VCL: variants seen among roughly 807,000 people sequenced by gnomAD.
VCL encodes epididymis luminal protein 114.
A neutral mutation model predicts 125.7 loss-of-function variants in VCL; 47 were observed. That is an observed-to-expected ratio of 0.37 (90% CI 0.30 to 0.48). The LOEUF (loss-of-function observed/expected upper bound fraction) is 0.48, where lower values mean the gene tolerates loss of function less well. VCL is among the 20% of genes least tolerant of loss of function. The pLI, the probability that VCL is intolerant of heterozygous loss-of-function variation, is 0.99. For synonymous variants in VCL, 458 were observed against 514.6 expected (o/e 0.89, Z 1.49); for missense variants, 1,069 against 1,455.5 (o/e 0.73, Z 4.32).
rs1437017796 is a variant in VCL at position 74,070,715 on chromosome 10, T to C, written c.285T>C (p.Leu95=). ...AGCTTGTCCAGGCAGCTCAGATGCT[T>C]CAGTCAGACCCTTACTCAGTGCCTG... ...CTKLVQAAQM[L]QSDPYSVPAR... The change falls in exon 3 of 22, where the codon CTT becomes CTC. Residue 95 remains leucine (L), a synonymous_variant. Coordinates refer to ENST00000211998, the MANE Select transcript of VCL (RefSeq NM_014000.3). 1 of 1,614,086 alleles carries C rather than the reference T, an allele frequency of 6.2e-7. No individual in the cohort carries two copies. The highest frequency in any genetic ancestry group is 1.3e-5 in the African/African-American group (1 of 74,926).
At chr10:74,081,888 T>C (rs2136279822) in intron 6 of VCL, among the ~76,000 whole-genome samples, 1 of 152,356 alleles carries the variant, frequency 6.6e-6, no homozygotes, top group East Asian at 1.9e-4. Flanking sequence ...AGGGGTTTAT[T>C]TGTAGAATTA....
At chr10:74,094,574 A>G (rs71579373) in intron 11 of VCL, 113 bp downstream of exon 11, 10 of 1,280,498 alleles carry the variant, frequency 7.8e-6, no homozygotes, top group East Asian at 2.5e-5. Flanking sequence ...TTAGCTGCTG[A>G]TAAGTAACTG....
rs1840029179 is a variant in VCL at position 74,100,176 on chromosome 10, AAG to A, written c.1873-770_1873-769del. ...CCAAAGCTTATCTTCTAGTTTGAAG[AAG>A]ATAAGCTTTTGCAAGAATCTATTCT... On this transcript the variant is annotated intron_variant, in intron 13 of 21. Transcript: ENST00000211998. 3.3e-5 allele frequency among the ~76,000 whole-genome samples: 5 copies of A among 152,344 alleles called. No individual in the cohort carries two copies. In the South Asian group the frequency reaches 1.0e-3, roughly 32 times the overall value.
chr10:74,076,261 A>T (rs1759850378), intron 6 of VCL: 1 of 152,632 alleles, frequency 6.6e-6, no homozygotes, highest in Admixed American at 6.5e-5. Flanking sequence ...ACGGGACTCT[A>T]GGCAGTGCTG....
Position 74,070,825 on chromosome 10 carries a change from G to C in VCL, c.390+5G>C. 1 of 1,613,964 alleles carries C rather than the reference G, an allele frequency of 6.2e-7. No individual in the cohort carries two copies. The stretch of plus-strand genomic sequence containing the variant: ...CTTACCTTCGATGAGGCTGAGGTAG[G>C]CAATCTGAGACAAAAAGCCTACTCT... On this transcript the variant is annotated splice_donor_5th_base_variant and intron_variant, in intron 3 of 21. Coordinates refer to ENST00000211998, the MANE Select transcript of VCL (RefSeq NM_014000.3).
chr10:74,095,577 C>A, intron 11 of VCL, 79 bp from the exon 12 acceptor site: 2 of 1,582,066 alleles, frequency 1.3e-6, no homozygotes, highest in Non-Finnish European at 8.7e-7. Flanking sequence ...TAGAGCAAGA[C>A]GCCACATCGC....
At chr10:74,048,965 G>A (rs571585182) in intron 2 of VCL, among the ~76,000 whole-genome samples, 51 of 152,180 alleles carry the variant, frequency 3.4e-4, no homozygotes, top group African/African-American at 1.1e-3. Flanking sequence ...AAAATTAGCC[G>A]GACGTGGTGG....
At position 74,074,795 on chromosome 10, in the gene VCL, A is replaced by C; in HGVS notation, c.675A>C (p.Glu225Asp). The C allele has an allele frequency of 6.2e-7, 1 of 1,614,158 alleles. No individual in the cohort carries two copies. Among genetic ancestry groups the C allele is most frequent in the Non-Finnish European group, 8.5e-7 (1 of 1,180,018 alleles). ...TKNSKNQGIEEALKNRNFTVE... is the reference protein window; with the variant it reads ...TKNSKNQGIEDALKNRNFTVE... The stretch of plus-strand genomic sequence containing the variant: ...ACTCAAAAAACCAAGGCATAGAGGA[A>C]GCTTTAAAAAATCGCAATTTTACTG... The change falls in exon 6 of 22, where the codon GAA becomes GAC. Residue 225 changes from glutamate to aspartate, a missense_variant. By Grantham distance (45) the Glu-to-Asp change is conservative. Around this residue, in one of 6 missense-constraint regions of VCL, gnomAD observed 760 missense variants for 928.9 expected, o/e 0.82. Transcript: ENST00000211998.
At chr10:74,062,839 G>A (rs181276791) in intron 2 of VCL, among the ~76,000 whole-genome samples, 5 of 152,000 alleles carry the variant, frequency 3.3e-5, no homozygotes, top group African/African-American at 7.2e-5. Flanking sequence ...AGGCTGAGGC[G>A]GGTGGATCAC....
rs750347797 is a variant in VCL, at chr10:74,111,991, CT to C, written c.2829del (p.Asp944ThrfsTer12). 4 of 1,614,008 alleles carry C rather than the reference CT, an allele frequency of 2.5e-6. No individual in the cohort carries two copies. The highest frequency in any genetic ancestry group is 1.3e-5 in the African/African-American group (1 of 74,870). Reference sequence around the variant, plus strand: ...GATGCTGCTGGCTTCCCTGTCCCCCCTGACATGGAAGACGATTACGAACCTG... The same window carrying C: ...GATGCTGCTGGCTTCCCTGTCCCCCCGACATGGAAGACGATTACGAACCTG... ...AADAAGFPVP[P>X]DMEDDYEPEL... On this transcript the variant is annotated frameshift_variant, in exon 19 of 22. Coordinates refer to ENST00000211998, the MANE Select transcript of VCL (RefSeq NM_014000.3). LOFTEE classifies it high-confidence loss of function.
At chr10:74,004,717 T>G (rs1027634513) in intron 1 of VCL, among the ~76,000 whole-genome samples, 1 of 152,072 alleles carries the variant, frequency 6.6e-6, no homozygotes, top group Non-Finnish European at 1.5e-5. Flanking sequence ...TTCTTTTTTT[T>G]TTTTTGAGAC....
rs35828059 is a variant in VCL at position 74,070,524 on chromosome 10, C to T, written c.240-146C>T. 16,959 of 1,134,512 alleles carry T rather than the reference C, an allele frequency of 0.015. 177 individuals carry two copies. The highest frequency in any genetic ancestry group is 0.018 in the Non-Finnish European group (13,684 of 766,338). The allele number at this position is 1,134,512 out of a possible 1,614,324, so 70.3% of individuals were successfully genotyped here. A position where few individuals can be genotyped will look rare whatever the true frequency, so the allele number is the denominator to read the frequency against. On this transcript the variant is annotated intron_variant, in intron 2 of 21. Transcript: ENST00000211998. ...CTGCCTAAATTGTAAAATCTAAAAACGTAGGTTCTATTATCAATTGGTCTT... is the reference window on the plus strand; with the variant it reads ...CTGCCTAAATTGTAAAATCTAAAAATGTAGGTTCTATTATCAATTGGTCTT...
At chr10:74,039,068 C>T (rs557572677) in intron 1 of VCL, among the ~76,000 whole-genome samples, 177 of 152,240 alleles carry the variant, frequency 1.2e-3, no homozygotes, top group African/African-American at 3.8e-3. Flanking sequence ...TCCGCCACCA[C>T]GCCCAGCTAA....
chr10:74,061,260 G>A (rs1446294825), intron 2 of VCL, among the ~76,000 whole-genome samples: 1 of 152,168 alleles, frequency 6.6e-6, no homozygotes, highest in African/African-American at 2.4e-5. Context: ...GTTAGTCTTA[G>A]TGGGATTTGT....
intron 2 of VCL, among the ~76,000 whole-genome samples, chr10:74,061,201 A>C (rs1196738443): frequency 6.6e-6 from 1 of 152,214 alleles, no homozygotes; most frequent in African/African-American, 2.4e-5. Context: ...TTTAAATAAA[A>C]TCCAATTTTC....
At chr10:74,115,128 A>C (rs963981168) in intron 21 of VCL, among the ~76,000 whole-genome samples, 2 of 152,072 alleles carry the variant, frequency 1.3e-5, no homozygotes, top group Non-Finnish European at 1.5e-5. Context: ...GCACTTTGGG[A>C]GGCTGAGGCG....
intron 21 of VCL, among the ~76,000 whole-genome samples, chr10:74,116,945 A>G (rs1840319483): frequency 6.6e-6 from 1 of 152,208 alleles, no homozygotes; most frequent in Non-Finnish European, 1.5e-5. Flanking sequence ...CACCGCCTTC[A>G]TTAAATCCTC....
At chr10:74,025,784 T>C (rs1317909328) in intron 1 of VCL, among the ~76,000 whole-genome samples, 7 of 151,956 alleles carry the variant, frequency 4.6e-5, no homozygotes, top group Non-Finnish European at 8.8e-5. Flanking sequence ...TGAGTGATAA[T>C]TGAAGCAATG....
chr10:74,015,773 C>T (rs1255495973), intron 1 of VCL, among the ~76,000 whole-genome samples: 1 of 151,782 alleles, frequency 6.6e-6, no homozygotes, highest in African/African-American at 2.4e-5. Context: ...CAACCTCCGC[C>T]TCCCAGGTTC....
Sources: gnomAD v4.1 joint callset for allele counts (sites outside exome capture counted in the v4.1 genomes callset) on GRCh38, gnomAD v4.1.1 for gene constraint, gnomAD v4.1.1 regional missense constraint, MANE v1.5 for transcripts, NCBI Gene and HGNC (gene_info 2026-07-23, HGNC 2026-07-21) for gene names.